The following DNAH8 variants were observed in gnomAD, a reference collection of about 807,000 sequenced individuals.
DNAH8 encodes the protein dynein axonemal heavy chain 8.
DNAH8 carries 382 observed loss-of-function variants against 562.1 expected under a neutral mutation model. That is an observed-to-expected ratio of 0.68 (90% CI 0.63 to 0.74). DNAH8 has a LOEUF of 0.74. Among genes scored for constraint, DNAH8 ranks in the 30% least tolerant of loss-of-function variants. DNAH8 has a pLI of 0.00. For missense variants in DNAH8, 5,203 were observed against 5,620.4 expected (o/e 0.93, Z 2.37); for synonymous variants, 1,881 against 1,919.4 (o/e 0.98, Z 0.52).
chr6:38,934,740 T>C (rs1396215235), intron 76 of DNAH8, among the ~76,000 whole-genome samples: 3 of 152,188 alleles, frequency 2.0e-5, no homozygotes, highest in Non-Finnish European at 2.9e-5. Flanking sequence ...GCTACACTTA[T>C]GTAAAAGAAT....
chr6:38,917,278 G>A lies in DNAH8; in HGVS notation c.10180G>A (p.Ala3394Thr), dbSNP rs1200002060. 6.2e-6 allele frequency: 10 copies of A among 1,612,790 alleles called. No individual in the cohort carries two copies. Among genetic ancestry groups the A allele is most frequent in the Non-Finnish European group, 7.6e-6 (9 of 1,179,466 alleles). The change falls in exon 69 of 93, where the codon GCA becomes ACA. Residue 3394 changes from alanine (A) to threonine (T), a missense_variant. By Grantham distance (58) the Ala-to-Thr change is moderately conservative. This residue lies in a region of DNAH8 where 87 missense variants were observed against 144.9 expected (regional missense o/e 0.60). Coordinates refer to ENST00000327475, the MANE Select transcript of DNAH8 (RefSeq NM_001206927.2). ...TGATATTGCCACAGTCAGGAAACTT[G>A]CAAAACCACCACATCTTATTATGAG... ...PNDIATVRKL[A>T]KPPHLIMRIM...
At position 38,870,532 on chromosome 6, in the gene DNAH8, C is replaced by T. The variant is rs778552001; in HGVS notation, c.6960C>T (p.Asn2320=). The T allele has an allele frequency of 3.1e-6, 5 of 1,613,794 alleles. No homozygotes were observed. Among genetic ancestry groups the T allele is most frequent in the Non-Finnish European group, 4.2e-6 (5 of 1,179,916 alleles). ...AHQVQIEGLI[N]HPPWNLKLVQ... ...AGGTTCAGATAGAGGGTTTGATTAA[C>T]CATCCACCCTGGAACCTGAAACTCG... The change falls in exon 49 of 93, where the codon AAC becomes AAT. Residue 2320 remains asparagine, a synonymous_variant. Transcript: ENST00000327475.
Position 38,722,888 on chromosome 6 carries a change from C to A in DNAH8, c.79C>A (p.Arg27Ser), listed in dbSNP as rs777193495. 6.2e-7 allele frequency: 1 copy of A among 1,612,056 alleles called. No homozygotes were observed. The highest frequency in any genetic ancestry group is 8.5e-7 in the Non-Finnish European group (1 of 1,179,614). The part of the protein sequence containing the change: ...PPSTEEAAPP[R>S]SEEEEAPRPP... Reference sequence around the variant, plus strand: ...CTCTACGGAAGAGGCTGCCCCTCCCCGTTCAGAAGAGGAAGAGGCCCCGCG... The same window carrying A: ...CTCTACGGAAGAGGCTGCCCCTCCCAGTTCAGAAGAGGAAGAGGCCCCGCG... The change falls in exon 2 of 93, where the codon CGT (arginine) becomes AGT (serine). Residue 27 changes from arginine to serine, a missense_variant. Transcript: ENST00000327475.
At chr6:38,830,956 T>A (rs1583127384) in intron 30 of DNAH8, among the ~76,000 whole-genome samples, 1 of 152,218 alleles carries the variant, frequency 6.6e-6, no homozygotes, top group Non-Finnish European at 1.5e-5. Flanking sequence ...CTTGAGGTAA[T>A]GTATATAAAA....
At chr6:38,894,353 T>TACC (rs1779537153) in intron 58 of DNAH8, among the ~76,000 whole-genome samples, 2 of 152,224 alleles carry the variant, frequency 1.3e-5, no homozygotes, top group Non-Finnish European at 2.9e-5. Flanking sequence ...CCACATATAC[T>TACC]ACCAATAATT....
At chr6:38,745,372 C>T (rs1166960978) in intron 8 of DNAH8, among the ~76,000 whole-genome samples, 1 of 152,176 alleles carries the variant, frequency 6.6e-6, no homozygotes, top group Non-Finnish European at 1.5e-5. Context: ...AAATCCCAGA[C>T]CCCCATATGC....
intron 92 of DNAH8, 62 bp downstream of exon 92, chr6:39,026,729 G>A (rs1417292355): frequency 2.5e-6 from 4 of 1,576,572 alleles, no homozygotes; most frequent in Non-Finnish European, 3.5e-6. Flanking sequence ...TTCAAGTTCT[G>A]CTTAAAACTG....
chr6:38,837,220 C>T (rs773725213), intron 32 of DNAH8, among the ~76,000 whole-genome samples: 2 of 152,124 alleles, frequency 1.3e-5, no homozygotes, highest in South Asian at 4.2e-4. Flanking sequence ...TCTGTCAGAT[C>T]TGTATTTTTG....
At chr6:38,858,487 C>T (rs555994091) in intron 42 of DNAH8, among the ~76,000 whole-genome samples, 2 of 152,260 alleles carry the variant, frequency 1.3e-5, no homozygotes, top group East Asian at 3.9e-4. Context: ...GAAGGACATC[C>T]AGTCAGTCCG....
chr6:38,755,577 G>C (rs918993350), intron 9 of DNAH8, among the ~76,000 whole-genome samples: 1 of 152,124 alleles, frequency 6.6e-6, no homozygotes, highest in Non-Finnish European at 1.5e-5. Flanking sequence ...ATGACCTTAA[G>C]AAAGTCACTT....
intron 49 of DNAH8, 43 bp from the exon 50 acceptor site, chr6:38,872,493 G>A: frequency 6.3e-7 from 1 of 1,590,882 alleles, no homozygotes; most frequent in Middle Eastern, 1.7e-4. Flanking sequence ...GTCAGCAAGA[G>A]ACTCATAAAT....
chr6:38,894,871 G>C lies in DNAH8; in HGVS notation c.8747+7G>C, dbSNP rs368202847. The C allele has an allele frequency of 3.7e-6, 6 of 1,611,048 alleles. No individual in the cohort carries two copies. Among genetic ancestry groups the C allele is most frequent in the Non-Finnish European group, 5.1e-6 (6 of 1,179,014 alleles). On this transcript the variant is annotated splice_region_variant and intron_variant, in intron 59 of 92. Transcript: ENST00000327475. ...GCAGAGTAATTGCAGACAGGTGCGT[G>C]TTGCGGCACTAGAGTTTAAATGTAT...
chr6:38,814,259 G>A lies in DNAH8; in HGVS notation c.3333+130G>A, dbSNP rs1298015174. ...ACTTTCCCTCACTATTTAACAAATT[G>A]GAAATGTCATTTATATCTGTTATGA... On this transcript the variant is annotated intron_variant, in intron 25 of 92. Coordinates refer to ENST00000327475, the MANE Select transcript of DNAH8 (RefSeq NM_001206927.2). 4 of 622,982 alleles carry A rather than the reference G, an allele frequency of 6.4e-6. No individual in the cohort carries two copies. The East Asian group carries it at 8.9e-5, about 14-fold the overall frequency. The allele number at this position is 622,982 out of a possible 1,614,324, so 38.6% of individuals were successfully genotyped here. A position where few individuals can be genotyped will look rare whatever the true frequency, so the allele number is the denominator to read the frequency against.
intron 88 of DNAH8, among the ~76,000 whole-genome samples, chr6:39,005,432 C>T (rs1032105671): frequency 2.0e-5 from 3 of 152,132 alleles, no homozygotes; most frequent in African/African-American, 4.8e-5. Context: ...AACAAAGTGA[C>T]TGCACCATTT....
At chr6:38,821,891 T>C (rs1042470802) in intron 26 of DNAH8, among the ~76,000 whole-genome samples, 2 of 152,226 alleles carry the variant, frequency 1.3e-5, no homozygotes, top group African/African-American at 4.8e-5. Flanking sequence ...CTTCAAAAGA[T>C]GTATTTTCAA....
chr6:38,898,111 C>A, intron 60 of DNAH8, 147 bp from the exon 61 acceptor site: 1 of 696,144 alleles, frequency 1.4e-6, no homozygotes, highest in Non-Finnish European at 2.2e-6. Flanking sequence ...TAAAAGTAGA[C>A]TAATACGTGA....
In DNAH8 at chr6:38,870,538, A is replaced by T. The variant is rs149125241; in HGVS notation, c.6966A>T (p.Pro2322=). ...QVQIEGLINH[P]PWNLKLVQLY... is the part of the protein sequence containing the mutation. Reference sequence around the variant, plus strand: ...AGATAGAGGGTTTGATTAACCATCCACCCTGGAACCTGAAACTCGTGCAGG... The same window carrying T: ...AGATAGAGGGTTTGATTAACCATCCTCCCTGGAACCTGAAACTCGTGCAGG... Residue 2322 remains proline, a synonymous_variant, in exon 49 of 93, where the codon CCA becomes CCT. Coordinates refer to ENST00000327475, the MANE Select transcript of DNAH8 (RefSeq NM_001206927.2). 606 of 1,613,950 alleles carry T rather than the reference A, an allele frequency of 3.8e-4. 4 individuals are homozygous for T. In the African/African-American group the frequency reaches 6.4e-3, roughly 17 times the overall value.
At chr6:38,957,289 TTAA>T (rs1762308266) in intron 82 of DNAH8, among the ~76,000 whole-genome samples, 2 of 148,716 alleles carry the variant, frequency 1.3e-5, no homozygotes, top group South Asian at 2.1e-4. Context: ...TATATAAAAA[TTAA>T]TATATATATT....
Position 38,750,521 on chromosome 6 carries a change from T to A in DNAH8, c.1339T>A (p.Ser447Thr), listed in dbSNP as rs1163812722. Residue 447 changes from serine (S) to threonine (T), a missense_variant, in exon 9 of 93, where the codon TCC becomes ACC. Ser to Thr is a moderately conservative substitution (Grantham distance 58). Around this residue, in one of 6 missense-constraint regions of DNAH8, gnomAD observed 2,176 missense variants for 2,365.1 expected, o/e 0.92. Transcript: ENST00000327475. ...AAGAATCACTGATACAGCAAATGAA[T>A]CCAAAGATAATGTCAGATATTTGTA... Reference protein sequence around the residue: ...DARITDTANESKDNVRYLYTL... With the variant: ...DARITDTANETKDNVRYLYTL... 1 of 1,612,488 alleles carries A rather than the reference T, an allele frequency of 6.2e-7. No homozygotes were observed. The highest frequency in any genetic ancestry group is 8.5e-7 in the Non-Finnish European group (1 of 1,179,258).
Sources: gnomAD v4.1 joint callset for allele counts (sites outside exome capture counted in the v4.1 genomes callset) on GRCh38, gnomAD v4.1.1 for gene constraint, gnomAD v4.1.1 regional missense constraint, MANE v1.5 for transcripts, NCBI Gene and HGNC (gene_info 2026-07-23, HGNC 2026-07-21) for gene names.